The following ITCH variants were observed in gnomAD, a reference collection of about 807,000 sequenced individuals.
ITCH encodes itchy E3 ubiquitin protein ligase, also known as E3 ubiquitin-protein ligase Itchy homolog.
Under a neutral mutation model 126.8 loss-of-function variants are expected in ITCH, and 28 were observed. The ratio of observed to expected loss-of-function variants is 0.22; its 90% CI spans 0.16 to 0.30. The LOEUF (loss-of-function observed/expected upper bound fraction) is 0.30, where lower values mean the gene tolerates loss of function less well. ITCH is among the 10% of genes least tolerant of loss of function. The pLI is 1.00. For missense variants in ITCH, 631 were observed against 1,032.4 expected, an observed-to-expected ratio of 0.61 and a Z score of 5.33; for synonymous variants, 342 against 340.0, an observed-to-expected ratio of 1.01 and a Z score of -0.06.
chr20:34,467,675 T>C (rs1188626614), intron 14 of ITCH, among the ~76,000 whole-genome samples: 3 of 145,862 alleles, frequency 2.1e-5, no homozygotes, highest in Non-Finnish European at 4.5e-5. Flanking sequence ...TGTTTTCTTT[T>C]TCATTTTTTT....
chr20:34,438,333 T>G (rs2146278747), intron 7 of ITCH, 141 bp from the exon 8 acceptor site: 1 of 812,684 alleles, frequency 1.2e-6, no homozygotes, highest in African/African-American at 1.7e-5. Flanking sequence ...ATGTATTTAA[T>G]AAGGCTGACC....
chr20:34,498,989 T>C (rs978977460), intron 23 of ITCH, among the ~76,000 whole-genome samples: 6 of 151,670 alleles, frequency 4.0e-5, no homozygotes, highest in African/African-American at 1.2e-4. Context: ...TTTTTTTTTT[T>C]CTTGAGACAG....
rs182260436 is a variant in ITCH at position 34,371,213 on chromosome 20, G to T, written c.-22+1743G>T. ...TGAATAGGAAGATACTGGTAAAATA[G>T]AACTAAAATATGATCCAGCATTGCC... On this transcript the variant is annotated intron_variant, in intron 2 of 24. Coordinates refer to ENST00000374864, the MANE Select transcript of ITCH (RefSeq NM_031483.7). Among the ~76,000 whole-genome samples, 6 of 141,296 alleles carry T rather than the reference G, an allele frequency of 4.2e-5. No homozygotes were observed. In the East Asian group the frequency reaches 1.3e-3, roughly 29 times the overall value. 92.7% of individuals were successfully genotyped at this position (141,296 alleles called of 152,430 possible). A position where few individuals can be genotyped will look rare whatever the true frequency, so the allele number is the denominator to read the frequency against.
At chr20:34,427,483 G>C (rs376040630) in intron 7 of ITCH, among the ~76,000 whole-genome samples, 2 of 152,042 alleles carry the variant, frequency 1.3e-5, no homozygotes, top group Admixed American at 1.3e-4. Context: ...CTGGTGGCAC[G>C]TGCCTGTAGT....
intron 6 of ITCH, among the ~76,000 whole-genome samples, chr20:34,424,148 A>G (rs1981167297): frequency 6.6e-6 from 1 of 152,096 alleles, no homozygotes; most frequent in Non-Finnish European, 1.5e-5. Flanking sequence ...GGTATTTGGG[A>G]TACAAAGATG....
intron 6 of ITCH, among the ~76,000 whole-genome samples, chr20:34,419,004 ATGTGCCT>A (rs138812936): frequency 4.6e-5 from 7 of 152,096 alleles, no homozygotes; most frequent in African/African-American, 1.7e-4. Context: ...CAGGTGGTCC[ATGTGCCT>A]TGGCCTCCCA....
At chr20:34,386,216 C>T (rs1029756201) in intron 2 of ITCH, among the ~76,000 whole-genome samples, 1 of 151,982 alleles carries the variant, frequency 6.6e-6, no homozygotes, top group Non-Finnish European at 1.5e-5. Flanking sequence ...AAGCAATTCT[C>T]AGCTTCCAAG....
intron 2 of ITCH, among the ~76,000 whole-genome samples, chr20:34,374,479 T>G (rs1039377230): frequency 1.3e-5 from 2 of 152,174 alleles, no homozygotes; most frequent in African/African-American, 4.8e-5. Context: ...TGAACAAGAC[T>G]TGGCTCACAG....
At chr20:34,402,913 T>C (rs2038936153) in intron 3 of ITCH, among the ~76,000 whole-genome samples, 1 of 152,236 alleles carries the variant, frequency 6.6e-6, no homozygotes, top group Non-Finnish European at 1.5e-5. Flanking sequence ...TTAGTTATTA[T>C]TAATCGTAAT....
At chr20:34,490,209 T>C (rs1334998821) in intron 22 of ITCH, among the ~76,000 whole-genome samples, 3 of 152,354 alleles carry the variant, frequency 2.0e-5, no homozygotes, top group African/African-American at 4.8e-5. Flanking sequence ...TTTATAGGAC[T>C]GTCTGTAGTA....
chr20:34,420,153 A>T (rs1277587939), intron 6 of ITCH, among the ~76,000 whole-genome samples: 10 of 152,190 alleles, frequency 6.6e-5, no homozygotes, highest in Admixed American at 6.6e-4. Context: ...GTACACCTTA[A>T]TGGTGTTTAG....
intron 3 of ITCH, among the ~76,000 whole-genome samples, chr20:34,400,358 T>C (rs566712514): frequency 5.4e-4 from 82 of 152,258 alleles, no homozygotes; most frequent in African/African-American, 1.9e-3. Context: ...TGAGCCACTT[T>C]CCCTGACCTA....
chr20:34,476,596 A>G (rs970131852), intron 16 of ITCH: 1 of 559,582 alleles, frequency 1.8e-6, no homozygotes, highest in Non-Finnish European at 2.5e-6. Context: ...ATAAACGTAC[A>G]TATGTCATAA....
intron 3 of ITCH, among the ~76,000 whole-genome samples, chr20:34,395,704 G>C (rs950092397): frequency 7.9e-5 from 12 of 152,156 alleles, no homozygotes; most frequent in Non-Finnish European, 1.2e-4. Context: ...GAATTGTACA[G>C]TGTGTGGCCT....
At chr20:34,373,030 A>G (rs2037700545) in intron 2 of ITCH, among the ~76,000 whole-genome samples, 1 of 148,664 alleles carries the variant, frequency 6.7e-6, no homozygotes, top group East Asian at 2.0e-4. Context: ...GCTGGAGTGC[A>G]ATGGTGCAAT....
intron 2 of ITCH, among the ~76,000 whole-genome samples, chr20:34,381,193 G>C (rs1358136245): frequency 2.0e-5 from 3 of 152,004 alleles, no homozygotes; most frequent in Non-Finnish European, 4.4e-5. Flanking sequence ...TTGAGCCCAG[G>C]AGTTGGAGAC....
chr20:34,375,340 CT>C (rs61157752), intron 2 of ITCH, among the ~76,000 whole-genome samples: 2,987 of 128,070 alleles, frequency 0.023, 69 homozygotes, highest in African/African-American at 0.061. Flanking sequence ...CGCACCTGGC[CT>C]TTTTTTTTTT....
At chr20:34,413,206 A>G (rs1394979861) in intron 5 of ITCH, among the ~76,000 whole-genome samples, 1 of 152,148 alleles carries the variant, frequency 6.6e-6, no homozygotes, top group Non-Finnish European at 1.5e-5. Context: ...ATTTTTAAAA[A>G]TGTCCTCATT....
intron 1 of ITCH, among the ~76,000 whole-genome samples, chr20:34,367,178 G>C (rs1204189382): frequency 6.6e-6 from 1 of 152,116 alleles, no homozygotes; most frequent in Non-Finnish European, 1.5e-5. Flanking sequence ...CTTGAAGTTT[G>C]TTATTGTTAC....
Sources: gnomAD v4.1 joint callset for allele counts (sites outside exome capture counted in the v4.1 genomes callset) on GRCh38, gnomAD v4.1.1 for gene constraint, MANE v1.5 for transcripts, NCBI Gene and HGNC (gene_info 2026-07-23, HGNC 2026-07-21) for gene names.